Variants in TIGD4 observed in about 807,000 individuals in gnomAD.
TIGD4 encodes tigger transposable element-derived protein 4.
Under a neutral mutation model 24.9 loss-of-function variants are expected in TIGD4, and 20 were observed. The observed-to-expected ratio is 0.80, with a 90% CI of 0.56 to 1.17. TIGD4 has a LOEUF of 1.17. Ranked by LOEUF, TIGD4 falls within the 50% of genes most tolerant of loss-of-function variation. The pLI is 0.00. For synonymous variants in TIGD4, 193 were observed against 211.0 expected (o/e 0.91, Z 0.74); for missense variants, 566 against 591.0 (o/e 0.96, Z 0.44).
chr4:152,770,296 T>C lies in TIGD4; in HGVS notation c.709A>G (p.Arg237Gly), dbSNP rs111753745. Residue 237 changes from arginine to glycine, a missense_variant, in exon 2 of 2, where the codon AGA (arginine) becomes GGA (glycine). Coordinates refer to ENST00000304337, the MANE Select transcript of TIGD4 (RefSeq NM_145720.4). ...AAACCTTTGAAACAATGTGGAGTTC[T>C]CTTTTTTCCAATGACAAGCAAAGGA... ...KLPLLVIGKK[R>G]TPHCFKGLKS... The C allele has an allele frequency of 1.9e-6, 3 of 1,614,030 alleles. No individual in the cohort carries two copies. Among genetic ancestry groups the C allele is most frequent in the African/African-American group, 1.3e-5 (1 of 75,056 alleles).
rs1364050596 is a variant in TIGD4 at position 152,770,013 on chromosome 4, C to T, written c.992G>A (p.Arg331Gln). 4 of 1,610,022 alleles carry T rather than the reference C, an allele frequency of 2.5e-6. No individual in the cohort carries two copies. The highest frequency in any genetic ancestry group is 1.1e-5 in the South Asian group (1 of 90,640). The change falls in exon 2 of 2, where the codon CGA becomes CAA. Residue 331 changes from arginine to glutamine, a missense_variant. Coordinates refer to ENST00000304337, the MANE Select transcript of TIGD4 (RefSeq NM_145720.4). ...GVIKSLKIKY[R>Q]HCLIKKFLSS... ...TAAAAATTTCTTGATAAGACAGTGT[C>T]GATATTTGATTTTAAGGCTTTTAAT...
At chr4:152,772,514 A>G (rs1423078087) in intron 1 of TIGD4, among the ~76,000 whole-genome samples, 11 of 152,198 alleles carry the variant, frequency 7.2e-5, no homozygotes, top group African/African-American at 1.7e-4. Flanking sequence ...AAAAGATTCA[A>G]TGAAAGAGTG....
rs114898235 is a variant in TIGD4, at chr4:152,770,043, C to T, written c.962G>A (p.Gly321Asp). Residue 321 changes from glycine (G) to aspartate (D), a missense_variant, in exon 2 of 2, where the codon GGT becomes GAT. Coordinates refer to ENST00000304337, the MANE Select transcript of TIGD4 (RefSeq NM_145720.4). The part of the protein sequence containing the change: ...LSSKCIAMKQ[G>D]VIKSLKIKYR... Reference sequence around the variant, plus strand: ...TTTGATTTTAAGGCTTTTAATAACACCTTGTTTCATAGCTATACATTTGGA... The same window carrying T: ...TTTGATTTTAAGGCTTTTAATAACATCTTGTTTCATAGCTATACATTTGGA... The T allele has an allele frequency of 3.1e-6, 5 of 1,612,990 alleles. No individual in the cohort carries two copies. Among genetic ancestry groups the T allele is most frequent in the African/African-American group, 1.3e-5 (1 of 74,956 alleles).
intron 1 of TIGD4, among the ~76,000 whole-genome samples, chr4:152,776,508 G>A (rs1010477930): frequency 2.0e-5 from 3 of 151,866 alleles, no homozygotes; most frequent in African/African-American, 7.3e-5. Context: ...TAGGAGTAAT[G>A]AGTCACTCTC....
In TIGD4 at chr4:152,770,768, C is replaced by T. The variant is rs778721053; in HGVS notation, c.237G>A (p.Leu79=). The T allele has an allele frequency of 6.2e-7, 1 of 1,611,822 alleles. No homozygotes were observed. Among genetic ancestry groups the T allele is most frequent in the African/African-American group, 1.3e-5 (1 of 74,712 alleles). ...SLRFDPKRKR[L]RTAFYTDLEE... is the part of the protein sequence containing the mutation. The stretch of plus-strand genomic sequence containing the variant: ...CCAGATCTGTGTAAAAAGCAGTTCT[C>T]AGTCTTTTTCTCTTTGGATCAAATC... The change falls in exon 2 of 2, where the codon CTG becomes CTA. Residue 79 remains leucine (L), a synonymous_variant. Transcript: ENST00000304337.
Position 152,771,355 on chromosome 4 carries a change from A to G in TIGD4, c.-351T>C, listed in dbSNP as rs570157040. On this transcript the variant is annotated 5_prime_UTR_variant, in exon 2 of 2. Transcript: ENST00000304337. ...CTGCTGATGTATTTTTGGAACTTCAATCCTTTAAGATGATCCATTTTATCC... is the reference window on the plus strand; with the variant it reads ...CTGCTGATGTATTTTTGGAACTTCAGTCCTTTAAGATGATCCATTTTATCC... 35 of 180,562 alleles carry G rather than the reference A, an allele frequency of 1.9e-4. 1 individual carries two copies. The highest frequency in any genetic ancestry group is 7.1e-4 in the African/African-American group (30 of 42,106). The allele number at this position is 180,562 out of a possible 1,614,324, so 11.2% of individuals were successfully genotyped here.
chr4:152,773,313 G>T (rs1730208796), intron 1 of TIGD4, among the ~76,000 whole-genome samples: 1 of 152,086 alleles, frequency 6.6e-6, no homozygotes, highest in African/African-American at 2.4e-5. Context: ...TTTTATCATA[G>T]GAATTACAAC....
At chr4:152,778,250 T>C (rs547959484) in intron 1 of TIGD4, among the ~76,000 whole-genome samples, 1 of 152,314 alleles carries the variant, frequency 6.6e-6, no homozygotes, top group East Asian at 1.9e-4. Context: ...AGCAGGAATC[T>C]TTAAGATAAC....
chr4:152,769,408 C>T lies in TIGD4; in HGVS notation c.*58G>A, dbSNP rs1299355800. 2 of 1,247,344 alleles carry T rather than the reference C, an allele frequency of 1.6e-6. No individual in the cohort carries two copies. The highest frequency in any genetic ancestry group is 1.5e-5 in the African/African-American group (1 of 65,896). 77.3% of individuals were successfully genotyped at this position (1,247,344 alleles called of 1,614,324 possible). On this transcript the variant is annotated 3_prime_UTR_variant, in exon 2 of 2. Transcript: ENST00000304337. Reference sequence around the variant, plus strand: ...TGGTGTGGTACAACTCCTTTACATACCTTATATAATAAAATGTATCAGGAA... The same window carrying T: ...TGGTGTGGTACAACTCCTTTACATATCTTATATAATAAAATGTATCAGGAA...
At chr4:152,776,136 C>T (rs1225244747) in intron 1 of TIGD4, among the ~76,000 whole-genome samples, 3 of 152,026 alleles carry the variant, frequency 2.0e-5, no homozygotes, top group Non-Finnish European at 4.4e-5. Context: ...ACAAATACAA[C>T]ATACACTAAA....
At position 152,770,766 on chromosome 4, in the gene TIGD4, C is replaced by T. The variant is rs771023384; in HGVS notation, c.239G>A (p.Arg80Lys). 6.2e-7 allele frequency: 1 copy of T among 1,612,158 alleles called. No individual in the cohort carries two copies. The highest frequency in any genetic ancestry group is 1.1e-5 in the South Asian group (1 of 90,520). The change falls in exon 2 of 2, where the codon AGA (arginine) becomes AAA (lysine). Residue 80 changes from arginine to lysine, a missense_variant. Transcript: ENST00000304337. ...TTCCAGATCTGTGTAAAAAGCAGTT[C>T]TCAGTCTTTTTCTCTTTGGATCAAA... ...LRFDPKRKRL[R>K]TAFYTDLEEA...
chr4:152,776,832 G>A (rs1244332432), intron 1 of TIGD4, among the ~76,000 whole-genome samples: 4 of 152,114 alleles, frequency 2.6e-5, no homozygotes, highest in African/African-American at 4.8e-5. Context: ...GTATAAAGCA[G>A]ACTGAAATGG....
At chr4:152,779,175 A>G (rs1464347824) in intron 1 of TIGD4, among the ~76,000 whole-genome samples, 1 of 152,184 alleles carries the variant, frequency 6.6e-6, no homozygotes, top group African/African-American at 2.4e-5. Context: ...GTGACAGAAC[A>G]ATGATCTATT....
intron 1 of TIGD4, among the ~76,000 whole-genome samples, chr4:152,772,812 T>C (rs1036258335): frequency 6.6e-6 from 1 of 151,884 alleles, no homozygotes; most frequent in African/African-American, 2.4e-5. Flanking sequence ...CCCAGGTTCA[T>C]GCGATTCTCC....
intron 1 of TIGD4, among the ~76,000 whole-genome samples, chr4:152,771,860 G>A (rs1349049219): frequency 6.6e-6 from 1 of 152,128 alleles, no homozygotes; most frequent in Non-Finnish European, 1.5e-5. Context: ...AAATGATGCT[G>A]GATAGATGCT....
intron 1 of TIGD4, among the ~76,000 whole-genome samples, chr4:152,775,044 T>G (rs185625966): frequency 1.1e-4 from 16 of 152,106 alleles, no homozygotes; most frequent in African/African-American, 3.9e-4. Flanking sequence ...GCCTCCCAAG[T>G]AGCTGTGACT....
At chr4:152,779,390 G>C (rs978245913) in intron 1 of TIGD4, 92 bp downstream of exon 1, 1 of 152,300 alleles carries the variant, frequency 6.6e-6, no homozygotes, top group Non-Finnish European at 1.5e-5. Flanking sequence ...CCCAGGCACG[G>C]GGGCAGCGCG....
Position 152,769,549 on chromosome 4 carries a change from G to GA in TIGD4, c.1455dup (p.Leu486SerfsTer8), listed in dbSNP as rs751206329. ...CCGTCATTCATATCTTGACTTCTGA[G>GA]AAATTTTTTCAGAGTATCTAAAGCA... On this transcript the variant is annotated frameshift_variant, in exon 2 of 2. Transcript: ENST00000304337. LOFTEE classifies it high-confidence loss of function. 1 of 1,605,198 alleles carries GA rather than the reference G, an allele frequency of 6.2e-7. No individual in the cohort carries two copies. Among genetic ancestry groups the GA allele is most frequent in the East Asian group, 2.2e-5 (1 of 44,822 alleles).
chr4:152,776,748 GAGA>G (rs1730267581), intron 1 of TIGD4, among the ~76,000 whole-genome samples: 1 of 152,136 alleles, frequency 6.6e-6, no homozygotes, highest in Non-Finnish European at 1.5e-5. Context: ...GGTGTTATAA[GAGA>G]ATCAAGTAAG....
Sources: gnomAD v4.1 joint callset for allele counts (sites outside exome capture counted in the v4.1 genomes callset) on GRCh38, gnomAD v4.1.1 for gene constraint, MANE v1.5 for transcripts, NCBI Gene and HGNC (gene_info 2026-07-23, HGNC 2026-07-21) for gene names.